The following CCDC178 variants were observed in gnomAD, a reference collection of about 807,000 sequenced individuals.
The protein encoded by CCDC178 is coiled-coil domain containing 178, also known as coiled-coil domain-containing protein 178.
CCDC178 carries 126 observed loss-of-function variants against 117.4 expected under a neutral mutation model. That is an observed-to-expected ratio of 1.07 (90% confidence interval 0.93 to 1.24). The LOEUF is 1.24. Ranked by LOEUF, CCDC178 falls within the 50% of genes most tolerant of loss-of-function variation. The pLI is 0.00. For synonymous variants in CCDC178, 283 were observed against 313.4 expected (o/e 0.90, Z 1.02); for missense variants, 1,030 against 986.9 (o/e 1.04, Z -0.59).
intron 20 of CCDC178, among the ~76,000 whole-genome samples, chr18:33,095,585 C>A (rs1247895681): frequency 6.6e-6 from 1 of 151,950 alleles, no homozygotes; most frequent in Admixed American, 6.6e-5. Context: ...AGCAGGTGCA[C>A]ACGTTTTCAG....
chr18:33,087,859 T>G (rs2057404696), intron 21 of CCDC178, among the ~76,000 whole-genome samples: 1 of 152,124 alleles, frequency 6.6e-6, no homozygotes, highest in Non-Finnish European at 1.5e-5. Context: ...TAATTAATTG[T>G]TTATTGCTAG....
At chr18:33,406,557 G>T (rs570579565) in intron 3 of CCDC178, among the ~76,000 whole-genome samples, 5 of 152,124 alleles carry the variant, frequency 3.3e-5, no homozygotes, top group African/African-American at 9.6e-5. Context: ...TAGATTAACA[G>T]ATTTCTCTCA....
intron 20 of CCDC178, among the ~76,000 whole-genome samples, chr18:33,127,013 T>TACAC (rs1458838101): frequency 1.4e-5 from 2 of 144,900 alleles, no homozygotes; most frequent in African/African-American, 5.4e-5. Context: ...TATATATATA[T>TACAC]ATACACACAC....
At chr18:33,119,885 G>A (rs2057913120) in intron 20 of CCDC178, among the ~76,000 whole-genome samples, 1 of 152,122 alleles carries the variant, frequency 6.6e-6, no homozygotes, top group Non-Finnish European at 1.5e-5. Context: ...GTCCTTTGTA[G>A]GGACGTGGAT....
intron 16 of CCDC178, among the ~76,000 whole-genome samples, chr18:33,226,357 A>G (rs1370921171): frequency 6.6e-6 from 1 of 152,214 alleles, no homozygotes; most frequent in Non-Finnish European, 1.5e-5. Context: ...AAGATTTTAA[A>G]AATTCAAGTT....
intron 11 of CCDC178, among the ~76,000 whole-genome samples, chr18:33,298,120 A>C (rs866142711): frequency 6.6e-6 from 1 of 152,156 alleles, no homozygotes; most frequent in African/African-American, 2.4e-5. Context: ...TCCCTAACTC[A>C]TTCCACAAGA....
At chr18:33,424,269 C>T (rs1248652335) in intron 2 of CCDC178, among the ~76,000 whole-genome samples, 3 of 152,048 alleles carry the variant, frequency 2.0e-5, no homozygotes, top group African/African-American at 7.2e-5. Flanking sequence ...AACGGTTTAA[C>T]AATGGAAAAT....
At chr18:33,020,967 G>A (rs2056104751) in intron 21 of CCDC178, among the ~76,000 whole-genome samples, 1 of 152,126 alleles carries the variant, frequency 6.6e-6, no homozygotes, top group Admixed American at 6.5e-5. Flanking sequence ...ATATTTGTGA[G>A]GCTCTACAGA....
chr18:33,248,797 G>A (rs2059581151), intron 14 of CCDC178, among the ~76,000 whole-genome samples: 1 of 152,048 alleles, frequency 6.6e-6, no homozygotes, highest in Non-Finnish European at 1.5e-5. Context: ...TGGGATGGCT[G>A]GGTCAAATGG....
chr18:33,089,183 T>G (rs464104), intron 21 of CCDC178, among the ~76,000 whole-genome samples: 21,684 of 152,078 alleles, frequency 0.14, 2,402 homozygotes, highest in African/African-American at 0.31. Context: ...ACTAGAGATA[T>G]CATATATAAT....
At chr18:33,243,869 CAA>C (rs995978195) in intron 15 of CCDC178, among the ~76,000 whole-genome samples, 26 of 149,752 alleles carry the variant, frequency 1.7e-4, no homozygotes, top group African/African-American at 6.1e-4. Context: ...TTGATATCCT[CAA>C]AGAAAAAAAA....
chr18:33,402,280 T>C (rs1045283845), intron 3 of CCDC178, among the ~76,000 whole-genome samples: 10 of 152,226 alleles, frequency 6.6e-5, no homozygotes, highest in East Asian at 3.8e-4. Context: ...TCCAGAAATA[T>C]AGCAAAGGCT....
At chr18:33,058,806 TAATG>T (rs144195278) in intron 21 of CCDC178, among the ~76,000 whole-genome samples, 3,939 of 152,256 alleles carry the variant, frequency 0.026, 82 homozygotes, top group East Asian at 0.1. Context: ...GTTTAGAACT[TAATG>T]AAGTGTTTTA....
intron 8 of CCDC178, among the ~76,000 whole-genome samples, chr18:33,348,376 T>C (rs2062924905): frequency 6.6e-6 from 1 of 151,898 alleles, no homozygotes; most frequent in Non-Finnish European, 1.5e-5. Flanking sequence ...ATTTTATAAA[T>C]TGTGATAAGA....
chr18:33,048,384 T>C (rs980692348), intron 21 of CCDC178, among the ~76,000 whole-genome samples: 2 of 152,336 alleles, frequency 1.3e-5, no homozygotes, highest in South Asian at 2.1e-4. Context: ...GTGATAACTA[T>C]ATTGTATTAT....
chr18:33,234,379 A>G (rs571790916), intron 15 of CCDC178, among the ~76,000 whole-genome samples: 4 of 152,156 alleles, frequency 2.6e-5, no homozygotes, highest in African/African-American at 7.2e-5. Context: ...TATTCTGCCT[A>G]TGAATGGAGT....
intron 3 of CCDC178, among the ~76,000 whole-genome samples, chr18:33,397,458 T>C (rs1249722405): frequency 1.3e-5 from 2 of 152,138 alleles, no homozygotes; most frequent in Non-Finnish European, 2.9e-5. Flanking sequence ...GGTGACATTC[T>C]GGGATGATAA....
intron 21 of CCDC178, among the ~76,000 whole-genome samples, chr18:32,974,883 G>A (rs1217767856): frequency 1.3e-5 from 2 of 152,080 alleles, no homozygotes; most frequent in Admixed American, 6.6e-5. Flanking sequence ...ACATCTGGCC[G>A]CCAGGATGGG....
At chr18:33,203,382 T>C (rs1255184914) in intron 20 of CCDC178, among the ~76,000 whole-genome samples, 1 of 152,158 alleles carries the variant, frequency 6.6e-6, no homozygotes, top group Admixed American at 6.5e-5. Flanking sequence ...TTAGGCATTA[T>C]CTTCATCTTA....
Sources: gnomAD v4.1 joint callset for allele counts (sites outside exome capture counted in the v4.1 genomes callset) on GRCh38, gnomAD v4.1.1 for gene constraint, MANE v1.5 for transcripts, NCBI Gene and HGNC (gene_info 2026-07-23, HGNC 2026-07-21) for gene names.